EPRS1: variants seen among roughly 807,000 people sequenced by gnomAD.
EPRS1 encodes the protein glutamyl-prolyl-tRNA synthetase 1, also known as bifunctional glutamate/proline--tRNA ligase.
Under a neutral mutation model 188.3 loss-of-function variants are expected in EPRS1, and 107 were observed. That is an observed-to-expected ratio of 0.57 (90% confidence interval 0.49 to 0.67). The LOEUF (loss-of-function observed/expected upper bound fraction) is 0.67. EPRS1 is among the 30% of genes least tolerant of loss of function. The probability of loss-of-function intolerance (pLI) is 0.00; values close to 1 mark genes in which losing one functional copy is unlikely to be tolerated. For missense variants in EPRS1, 1,577 were observed against 1,802.2 expected, an observed-to-expected ratio of 0.88 and a Z score of 2.26; for synonymous variants, 596 against 593.1, an observed-to-expected ratio of 1.00 and a Z score of -0.07.
intron 14 of EPRS1, among the ~76,000 whole-genome samples, chr1:220,006,580 T>C (rs983536272): frequency 2.0e-5 from 3 of 152,134 alleles, no homozygotes; most frequent in Non-Finnish European, 4.4e-5. Context: ...TCACATACAA[T>C]TGATGAGGAA....
In EPRS1 at chr1:220,032,393, A is replaced by C; in HGVS notation, c.522T>G (p.Ala174=). 1 of 1,598,348 alleles carries C rather than the reference A, an allele frequency of 6.3e-7. No homozygotes were observed. Among genetic ancestry groups the C allele is most frequent in the East Asian group, 2.2e-5 (1 of 44,708 alleles). ...AAAAGAAAAAAAGGCTTACCACTCGAGCTTTGGTTGTTGAAACATCCCACT... is the reference window on the plus strand; with the variant it reads ...AAAAGAAAAAAAGGCTTACCACTCGCGCTTTGGTTGTTGAAACATCCCACT... ...GTKWDVSTTK[A]RVAPEKKQDV... Residue 174 remains alanine, a synonymous_variant, in exon 5 of 32, where the codon GCT becomes GCG. Coordinates refer to ENST00000366923, the MANE Select transcript of EPRS1 (RefSeq NM_004446.3).
At chr1:220,005,425 T>G (rs948171696) in intron 15 of EPRS1, 65 bp from the exon 16 acceptor site, 1 of 822,044 alleles carries the variant, frequency 1.2e-6, no homozygotes, top group East Asian at 2.7e-5. Flanking sequence ...AACTCTAAAA[T>G]GCAAGCAGTT....
Position 220,022,537 on chromosome 1 carries a change from A to T in EPRS1, c.944-19T>A. 1 of 1,571,730 alleles carries T rather than the reference A, an allele frequency of 6.4e-7. No homozygotes were observed. Among genetic ancestry groups the T allele is most frequent in the Non-Finnish European group, 8.7e-7 (1 of 1,148,382 alleles). ...TCAATAGCTATAAAATGATAATTAC[A>T]TTACGGTTCACTAATCTGGTTAAAT... On this transcript the variant is annotated intron_variant, in intron 8 of 31. Transcript: ENST00000366923.
chr1:219,975,212 C>T (rs1252473318), intron 28 of EPRS1, among the ~76,000 whole-genome samples: 1 of 152,088 alleles, frequency 6.6e-6, no homozygotes, highest in African/African-American at 2.4e-5. Context: ...GGCATCTGCA[C>T]ATGAGAACAG....
At chr1:219,990,985 G>C (rs1000210519) in intron 18 of EPRS1, among the ~76,000 whole-genome samples, 4 of 152,128 alleles carry the variant, frequency 2.6e-5, no homozygotes, top group Non-Finnish European at 5.9e-5. Context: ...AATTGCTGAT[G>C]TGGATTAATG....
chr1:219,971,406 A>C (rs1660661739), intron 30 of EPRS1, among the ~76,000 whole-genome samples: 1 of 152,142 alleles, frequency 6.6e-6, no homozygotes. Context: ...TGGAGTTCTA[A>C]GGAGCCAGGT....
rs1271723392 is a variant in EPRS1, at chr1:219,981,418, C to T, written c.3413G>A (p.Arg1138Lys). 1 of 1,609,002 alleles carries T rather than the reference C, an allele frequency of 6.2e-7. No homozygotes were observed. Residue 1138 changes from arginine to lysine, a missense_variant, in exon 24 of 32, where the codon AGA becomes AAA. Coordinates refer to ENST00000366923, the MANE Select transcript of EPRS1 (RefSeq NM_004446.3). ...PAYAKWVQSH[R>K]DLPIKLNQWC... ...CTGATTGAGCTTGATGGGCAGGTCT[C>T]TGTGTGACTGTACCCATTTTGCATA...
At chr1:220,040,096 G>T (rs1431063660) in intron 2 of EPRS1, 89 bp downstream of exon 2, 1 of 825,796 alleles carries the variant, frequency 1.2e-6, no homozygotes. Flanking sequence ...TGCCAGCCTG[G>T]GCAAAAGAGG....
At position 219,987,282 on chromosome 1, in the gene EPRS1, TTTC is replaced by T. The variant is rs988668525; in HGVS notation, c.2895_2897del (p.Lys966del). The T allele has an allele frequency of 1.9e-6, 3 of 1,614,102 alleles. No homozygotes were observed. The highest frequency in any genetic ancestry group is 1.1e-5 in the South Asian group (1 of 91,074). On this transcript the variant is annotated inframe_deletion, in exon 20 of 32. Transcript: ENST00000366923. ...GCTTTTCAGATTTATTTTCTTTTTCTTTCTTCTTCTTATCTTTGTCCTCAGCTC... is the reference window on the plus strand; with the variant it reads ...GCTTTTCAGATTTATTTTCTTTTTCTTTCTTCTTATCTTTGTCCTCAGCTC...
chr1:219,979,948 G>T, intron 26 of EPRS1, 137 bp downstream of exon 26: 1 of 779,512 alleles, frequency 1.3e-6, no homozygotes, highest in Non-Finnish European at 2.1e-6. Context: ...GGATAGATTT[G>T]TTTGAAATTA....
At chr1:220,000,453 T>A (rs928278764) in intron 17 of EPRS1, among the ~76,000 whole-genome samples, 7 of 152,230 alleles carry the variant, frequency 4.6e-5, no homozygotes, top group African/African-American at 1.7e-4. Flanking sequence ...TTTGTACAGG[T>A]TTTTAGAAGC....
At chr1:220,008,164 A>G (rs1325083141) in intron 13 of EPRS1, among the ~76,000 whole-genome samples, 1 of 151,952 alleles carries the variant, frequency 6.6e-6, no homozygotes, top group Non-Finnish European at 1.5e-5. Context: ...CTTCTGCAGC[A>G]AAGGAGAAAA....
rs72264490 is a variant in EPRS1 at position 219,996,940 on chromosome 1, C to CAT, written c.2541+42_2541+43insAT. ...GAGACTACTCTAAGCAGTTTGAATT[C>CAT]ACACACTGAAAATGTGGTCTTGACT... is the stretch of plus-strand genomic sequence containing the variant. On this transcript the variant is annotated intron_variant, in intron 18 of 31. Coordinates refer to ENST00000366923, the MANE Select transcript of EPRS1 (RefSeq NM_004446.3). 1,484 of 1,522,462 alleles carry CAT rather than the reference C, an allele frequency of 9.7e-4. 14 individuals are homozygous for CAT. The African/African-American group carries it at 0.019, about 19-fold the overall frequency. The allele number at this position is 1,522,462 out of a possible 1,614,324, so 94.3% of individuals were successfully genotyped here.
In EPRS1 at chr1:220,006,192, T is replaced by A. The variant is rs761897319; in HGVS notation, c.1864A>T (p.Ile622Phe). The A allele has an allele frequency of 1.2e-6, 2 of 1,606,302 alleles. No individual in the cohort carries two copies. Among genetic ancestry groups the A allele is most frequent in the Non-Finnish European group, 1.7e-6 (2 of 1,175,136 alleles). ...ATCAAGTGCTCATAAGTGACACAGA[T>A]TACTGGAATAGGAAGAGCATGTGTA... is the stretch of plus-strand genomic sequence containing the variant. ...ETTHALPIPV[I>F]CVTYEHLITK... The change falls in exon 15 of 32, where the codon ATC becomes TTC. Residue 622 changes from isoleucine to phenylalanine, a missense_variant. Ile to Phe is a conservative substitution (Grantham distance 21). Around this residue, in one of 3 missense-constraint regions of EPRS1, gnomAD observed 1,278 missense variants for 1,457.4 expected, o/e 0.88. Coordinates refer to ENST00000366923, the MANE Select transcript of EPRS1 (RefSeq NM_004446.3).
At chr1:219,982,198 A>G (rs962820877) in intron 23 of EPRS1, among the ~76,000 whole-genome samples, 9 of 152,312 alleles carry the variant, frequency 5.9e-5, no homozygotes, top group Admixed American at 2.6e-4. Context: ...GACACTGTAA[A>G]GCCCAAAACC....
intron 28 of EPRS1, 132 bp from the exon 29 acceptor site, chr1:219,973,530 A>C: frequency 2.8e-6 from 1 of 360,364 alleles, no homozygotes; most frequent in Non-Finnish European, 4.4e-6. Flanking sequence ...AAAAAACAAG[A>C]GAAAAAAAAA....
chr1:219,979,203 T>G (rs894470556), intron 27 of EPRS1, among the ~76,000 whole-genome samples: 2 of 152,216 alleles, frequency 1.3e-5, no homozygotes, highest in African/African-American at 2.4e-5. Flanking sequence ...CTAAAAATGT[T>G]TATATAAGTA....
intron 3 of EPRS1, among the ~76,000 whole-genome samples, chr1:220,034,224 A>G (rs1662135827): frequency 6.6e-6 from 1 of 152,202 alleles, no homozygotes; most frequent in South Asian, 2.1e-4. Flanking sequence ...TATGTTGTCT[A>G]TGTTTAGATA....
intron 9 of EPRS1, among the ~76,000 whole-genome samples, chr1:220,020,543 A>C (rs1661850050): frequency 6.6e-6 from 1 of 151,988 alleles, no homozygotes; most frequent in South Asian, 2.1e-4. Flanking sequence ...GCAATAAATA[A>C]TACATGTAAT....
Sources: allele counts gnomAD v4.1 joint callset (sites outside exome capture counted in the v4.1 genomes callset), GRCh38; gene constraint gnomAD v4.1.1; regional missense constraint gnomAD v4.1.1; transcripts MANE v1.5; gene names NCBI Gene and HGNC (gene_info 2026-07-23, HGNC 2026-07-21).